STX7: variants seen among roughly 807,000 people sequenced by gnomAD.
STX7 encodes syntaxin 7.
In STX7, 34 loss-of-function variants were observed where a neutral mutation model predicts 39.6. The ratio of observed to expected loss-of-function variants is 0.86; its 90% CI spans 0.65 to 1.14. STX7 has a LOEUF of 1.14. STX7 is among the 50% of genes most tolerant of loss of function. The pLI is 0.00. For missense variants in STX7, 284 were observed against 310.4 expected (o/e 0.92, Z 0.64); for synonymous variants, 119 against 99.1 (o/e 1.20, Z -1.19).
intron 2 of STX7, among the ~76,000 whole-genome samples, chr6:132,496,178 T>C (rs1023205517): frequency 6.6e-6 from 1 of 152,206 alleles, no homozygotes; most frequent in Non-Finnish European, 1.5e-5. Context: ...TAAATTCTGA[T>C]GAGTAGATTT....
At chr6:132,486,341 G>A (rs905271493) in intron 2 of STX7, among the ~76,000 whole-genome samples, 1 of 152,154 alleles carries the variant, frequency 6.6e-6, no homozygotes, top group African/African-American at 2.4e-5. Flanking sequence ...CACTCTGTAA[G>A]TTTTCATAGA....
chr6:132,470,961 A>G (rs879545811), intron 5 of STX7, among the ~76,000 whole-genome samples: 8 of 152,220 alleles, frequency 5.3e-5, no homozygotes, highest in African/African-American at 1.9e-4. Flanking sequence ...AAAATAACTC[A>G]TGATAGTTTC....
chr6:132,509,469 T>A (rs1230739301), intron 1 of STX7, among the ~76,000 whole-genome samples: 78 of 17,366 alleles, frequency 4.5e-3, no homozygotes, highest in East Asian at 0.045. Flanking sequence ...TAACATAACA[T>A]AACATAACAT....
intron 2 of STX7, among the ~76,000 whole-genome samples, chr6:132,495,447 T>C (rs1203222970): frequency 6.6e-6 from 1 of 152,150 alleles, no homozygotes; most frequent in African/African-American, 2.4e-5. Flanking sequence ...ACATAAATAT[T>C]TCAAACAGCA....
At chr6:132,469,372 A>G (rs986884369) in intron 7 of STX7, among the ~76,000 whole-genome samples, 5 of 152,194 alleles carry the variant, frequency 3.3e-5, no homozygotes, top group Admixed American at 1.3e-4. Context: ...TTTTCTCAAT[A>G]CTAAGGTGGT....
At position 132,501,755 on chromosome 6, in the gene STX7, C is replaced by T. The variant is rs549880901; in HGVS notation, c.85+1691G>A. Among the ~76,000 whole-genome samples the T allele has an allele frequency of 3.3e-5, 5 of 152,158 alleles. No homozygotes were observed. In the East Asian group the frequency reaches 7.7e-4, roughly 24 times the overall value. On this transcript the variant is annotated intron_variant, in intron 2 of 9. Transcript: ENST00000367941. ...AAAGGCCTCTTGGCCTCCTTTCTTG[C>T]ATAAAGGTCCTAATTTTCCACATAT...
chr6:132,489,422 T>C (rs1457735863), intron 2 of STX7, among the ~76,000 whole-genome samples: 2 of 152,116 alleles, frequency 1.3e-5, no homozygotes, highest in Admixed American at 6.5e-5. Context: ...GAAAAGTGTA[T>C]TAAAATTCTA....
rs1356282440 is a variant in STX7, at chr6:132,450,661, T to C, written c.*10097A>G. The C allele has an allele frequency of 6.6e-6, 1 of 152,110 alleles. No individual in the cohort carries two copies. Among genetic ancestry groups the C allele is most frequent in the Non-Finnish European group, 1.5e-5 (1 of 68,026 alleles). The allele number at this position is 152,110 out of a possible 1,614,324, so 9.4% of individuals were successfully genotyped here. A position where few individuals can be genotyped will look rare whatever the true frequency, so the allele number is the denominator to read the frequency against. On this transcript the variant is annotated 3_prime_UTR_variant, in exon 10 of 10. Coordinates refer to ENST00000367941, the MANE Select transcript of STX7 (RefSeq NM_003569.3). ...TGAAACACTTAATTGATAGGCTCAA[T>C]AGCAGAATGGAAGCTACTGCAGAAA...
chr6:132,512,063 AAC>A (rs1162551340), intron 1 of STX7, among the ~76,000 whole-genome samples: 2 of 152,116 alleles, frequency 1.3e-5, no homozygotes, highest in Non-Finnish European at 2.9e-5. Flanking sequence ...CACAACACAA[AAC>A]ACAGTTTAAC....
chr6:132,464,706 T>C (rs577520439), intron 8 of STX7, among the ~76,000 whole-genome samples: 1 of 152,342 alleles, frequency 6.6e-6, no homozygotes, highest in Non-Finnish European at 1.5e-5. Context: ...GTTTGTGTTC[T>C]GTAATGGCCG....
In STX7 at chr6:132,472,372, T is replaced by C; in HGVS notation, c.159A>G (p.Gln53=). Residue 53 remains glutamine (Q), a synonymous_variant, in exon 4 of 10, where the codon CAA becomes CAG. Coordinates refer to ENST00000367941, the MANE Select transcript of STX7 (RefSeq NM_003569.3). ...GCTGGTTAGTATACTGCTGCTTCTG[T>C]TGCCTAAAGTGAGAAAACACGCATT... ...QDSPELRQQL[Q]QKQQYTNQLA... The C allele has an allele frequency of 6.2e-7, 1 of 1,609,010 alleles. No homozygotes were observed. Among genetic ancestry groups the C allele is most frequent in the East Asian group, 2.2e-5 (1 of 44,756 alleles).
rs1263684793 is a variant in STX7 at position 132,451,101 on chromosome 6, C to CTTTTT, written c.*9652_*9656dup. ...ATGGGGAACCATGAAATTTTCTTTC[C>CTTTTT]TTTTTTTTTTTTTTGACAAGGAGTC... On this transcript the variant is annotated 3_prime_UTR_variant, in exon 10 of 10. Coordinates refer to ENST00000367941, the MANE Select transcript of STX7 (RefSeq NM_003569.3). 1 of 142,222 alleles carries CTTTTT rather than the reference C, an allele frequency of 7.0e-6. No homozygotes were observed. Among genetic ancestry groups the CTTTTT allele is most frequent in the African/African-American group, 2.6e-5 (1 of 38,534 alleles). 8.8% of individuals were successfully genotyped at this position (142,222 alleles called of 1,614,324 possible).
At chr6:132,477,557 G>A (rs919417174) in intron 2 of STX7, among the ~76,000 whole-genome samples, 4 of 151,946 alleles carry the variant, frequency 2.6e-5, no homozygotes, top group Admixed American at 6.6e-5. Context: ...TAGTAAAATT[G>A]AAAATATTAA....
rs1054913927 is a variant in STX7 at position 132,448,564 on chromosome 6, G to A, written c.*12194C>T. ...AAAAGTCTACTGTTGGCCAGGTGCA[G>A]TGGCTCATGCCTCTAATCCCAGCAT... is the stretch of plus-strand genomic sequence containing the variant. On this transcript the variant is annotated 3_prime_UTR_variant, in exon 10 of 10. Transcript: ENST00000367941. 1.6e-4 allele frequency: 25 copies of A among 152,230 alleles called. No individual in the cohort carries two copies. Among genetic ancestry groups the A allele is most frequent in the African/African-American group, 5.6e-4 (23 of 41,434 alleles). 9.4% of individuals were successfully genotyped at this position (152,230 alleles called of 1,614,324 possible). A position where few individuals can be genotyped will look rare whatever the true frequency, so the allele number is the denominator to read the frequency against.
chr6:132,498,308 T>C (rs1425466961), intron 2 of STX7, among the ~76,000 whole-genome samples: 3 of 152,082 alleles, frequency 2.0e-5, no homozygotes, highest in African/African-American at 7.2e-5. Context: ...ATATAAATTA[T>C]ATCATTATAA....
At chr6:132,494,335 G>A (rs1469607217) in intron 2 of STX7, among the ~76,000 whole-genome samples, 1 of 152,044 alleles carries the variant, frequency 6.6e-6, no homozygotes. Flanking sequence ...GCCAAGACAT[G>A]AGCCCTTTAT....
Position 132,464,074 on chromosome 6 carries a change from A to G in STX7, c.612T>C (p.Asp204=). The change falls in exon 9 of 10, where the codon GAT becomes GAC. Residue 204 remains aspartate, a splice_region_variant and synonymous_variant. Coordinates refer to ENST00000367941, the MANE Select transcript of STX7 (RefSeq NM_003569.3). The stretch of plus-strand genomic sequence containing the variant: ...CATTTTCCACATTGGCTTCTATGCT[A>G]TCTGTAAAATAAAACACACACACAC... The part of the protein sequence containing the change: ...MMIHEQGDVI[D]SIEANVENAE... 6.2e-7 allele frequency: 1 copy of G among 1,613,800 alleles called. No homozygotes were observed.
intron 8 of STX7, among the ~76,000 whole-genome samples, chr6:132,465,806 A>T (rs77783807): frequency 0.017 from 2,545 of 152,136 alleles, 46 homozygotes; most frequent in Middle Eastern, 0.054. Context: ...AGAACTATAT[A>T]CCCCGAGCAA....
At chr6:132,510,572 T>C (rs1465417178) in intron 1 of STX7, among the ~76,000 whole-genome samples, 1 of 152,178 alleles carries the variant, frequency 6.6e-6, no homozygotes, top group African/African-American at 2.4e-5. Flanking sequence ...AAAATTAAGT[T>C]AAATGAAAAA....
Sources: allele counts gnomAD v4.1 joint callset (sites outside exome capture counted in the v4.1 genomes callset), GRCh38; gene constraint gnomAD v4.1.1; transcripts MANE v1.5; gene names NCBI Gene and HGNC (gene_info 2026-07-23, HGNC 2026-07-21).